Variants in DYM observed in about 807,000 individuals in gnomAD.
DYM encodes dyggve-Melchior-Clausen syndrome protein.
DYM carries 78 observed loss-of-function variants against 93.1 expected under a neutral mutation model. That is an observed-to-expected ratio of 0.84 (90% CI 0.70 to 1.01). The LOEUF (loss-of-function observed/expected upper bound fraction) is 1.01, where lower values mean the gene tolerates loss of function less well. Among genes scored for constraint, DYM ranks in the 50% least tolerant of loss-of-function variants. The pLI is 0.00. For missense variants in DYM, 789 were observed against 845.0 expected (o/e 0.93, Z 0.82); for synonymous variants, 321 against 319.7 (o/e 1.00, Z -0.04).
intron 15 of DYM, among the ~76,000 whole-genome samples, chr18:49,156,998 T>C (rs954972327): frequency 6.6e-6 from 1 of 151,992 alleles, no homozygotes; most frequent in African/African-American, 2.4e-5. Context: ...CCTGCCAACA[T>C]GGCCCCCATT....
In DYM at chr18:49,440,859, T is replaced by TTATATAAATATATTATATTTTATATAA. The variant is rs1213492867; in HGVS notation, c.-53-10413_-53-10412insTTATATAAAATATAATATATTTATATA. ...TATAAATACATTATATTTTATATAT[T>TTATATAAATATATTATATTTTATATAA]TATATTATATATAATATATATTATA... is the stretch of plus-strand genomic sequence containing the variant. On this transcript the variant is annotated intron_variant, in intron 1 of 17. Transcript: ENST00000675505. Among the ~76,000 whole-genome samples the TTATATAAATATATTATATTTTATATAA allele has an allele frequency of 2.6e-3, 5 of 1,958 alleles. 1 individual carries two copies. The highest frequency in any genetic ancestry group is 6.0e-3 in the African/African-American group (3 of 498). 1.3% of individuals were successfully genotyped at this position (1,958 alleles called of 152,430 possible). A position where few individuals can be genotyped will look rare whatever the true frequency, so the allele number is the denominator to read the frequency against.
chr18:49,358,886 C>A (rs6507900), intron 6 of DYM, among the ~76,000 whole-genome samples: 142,937 of 152,232 alleles, frequency 0.94, 67,180 homozygotes, highest in East Asian at 1. Context: ...ATCTAATTTG[C>A]GTCCTCAAAA....
intron 17 of DYM, among the ~76,000 whole-genome samples, chr18:49,069,821 T>A (rs1329644963): frequency 1.3e-5 from 2 of 152,166 alleles, no homozygotes; most frequent in East Asian, 3.9e-4. Flanking sequence ...GGCAGGTGGA[T>A]CATGAGGTCA....
intron 1 of DYM, among the ~76,000 whole-genome samples, chr18:49,447,821 G>A (rs2082219626): frequency 6.6e-6 from 1 of 152,126 alleles, no homozygotes; most frequent in African/African-American, 2.4e-5. Context: ...GTAAGATCAG[G>A]GAATGTCGTA....
intron 13 of DYM, among the ~76,000 whole-genome samples, chr18:49,243,896 C>T (rs957447587): frequency 6.6e-6 from 1 of 152,034 alleles, no homozygotes; most frequent in Non-Finnish European, 1.5e-5. Context: ...TCTGAATTTC[C>T]AGGACTAATG....
intron 15 of DYM, among the ~76,000 whole-genome samples, chr18:49,139,718 A>C (rs2084245190): frequency 6.6e-6 from 1 of 152,156 alleles, no homozygotes; most frequent in South Asian, 2.1e-4. Context: ...TAGTTTTTAG[A>C]GGAAAATCTG....
At chr18:49,118,682 T>C (rs777549407) in intron 16 of DYM, 62 bp downstream of exon 16, 6 of 1,482,404 alleles carry the variant, frequency 4.0e-6, no homozygotes, top group Non-Finnish European at 1.9e-6. Flanking sequence ...CAAGGCTTAT[T>C]AAACATTCTC....
At chr18:49,328,210 TGTG>T (rs2063044013) in intron 8 of DYM, among the ~76,000 whole-genome samples, 1 of 152,208 alleles carries the variant, frequency 6.6e-6, no homozygotes, top group Non-Finnish European at 1.5e-5. Context: ...TTTTATTGTA[TGTG>T]GAGCCAACAC....
intron 17 of DYM, among the ~76,000 whole-genome samples, chr18:49,076,110 C>T (rs1004379988): frequency 1.4e-5 from 2 of 139,026 alleles, no homozygotes; most frequent in Non-Finnish European, 3.1e-5. Context: ...AACCAACTCA[C>T]CCTTAATTTT....
At chr18:49,224,218 C>A (rs1235655541) in intron 13 of DYM, among the ~76,000 whole-genome samples, 2 of 151,998 alleles carry the variant, frequency 1.3e-5, no homozygotes, top group East Asian at 3.9e-4. Flanking sequence ...GAGGCGGCAA[C>A]AGAGGAAGAG....
chr18:49,171,031 C>G (rs56269875), intron 14 of DYM, among the ~76,000 whole-genome samples: 46 of 152,042 alleles, frequency 3.0e-4, no homozygotes, highest in Admixed American at 7.2e-4. Flanking sequence ...AACAAAAAAA[C>G]AAAAAACGAA....
intron 2 of DYM, among the ~76,000 whole-genome samples, chr18:49,416,749 C>T (rs1389796634): frequency 6.6e-6 from 1 of 152,074 alleles, no homozygotes; most frequent in Non-Finnish European, 1.5e-5. Context: ...CACCTACTCA[C>T]CCTACTTAAA....
At chr18:49,163,649 G>C (rs771108492) in intron 15 of DYM, 36 bp downstream of exon 15, 3 of 1,501,524 alleles carry the variant, frequency 2.0e-6, no homozygotes, top group Non-Finnish European at 2.8e-6. Flanking sequence ...TGGCTGAAAG[G>C]AAAATTTTTT....
intron 14 of DYM, among the ~76,000 whole-genome samples, chr18:49,170,623 T>A (rs1299569887): frequency 6.6e-6 from 1 of 150,820 alleles, no homozygotes; most frequent in Non-Finnish European, 1.5e-5. Context: ...CTAATAAAAA[T>A]ACAAAAACTA....
chr18:49,416,832 T>A (rs1406756824), intron 2 of DYM, among the ~76,000 whole-genome samples: 1 of 152,184 alleles, frequency 6.6e-6, no homozygotes, highest in Admixed American at 6.5e-5. Flanking sequence ...CTACTTCTAA[T>A]CCTCAGCTTT....
At chr18:49,297,351 G>T (rs913075933) in intron 8 of DYM, among the ~76,000 whole-genome samples, 10 of 152,322 alleles carry the variant, frequency 6.6e-5, no homozygotes, top group Non-Finnish European at 1.5e-4. Flanking sequence ...TCAATATAAA[G>T]TTCAAAACCA....
intron 1 of DYM, among the ~76,000 whole-genome samples, chr18:49,436,477 C>T (rs1356677576): frequency 6.6e-6 from 1 of 152,154 alleles, no homozygotes; most frequent in East Asian, 1.9e-4. Context: ...AAGGATATTG[C>T]TAGTTCCTTT....
chr18:49,349,480 A>G (rs2064928728), intron 6 of DYM, among the ~76,000 whole-genome samples: 1 of 152,202 alleles, frequency 6.6e-6, no homozygotes, highest in African/African-American at 2.4e-5. Context: ...TATGGTGGGT[A>G]AGTACATGTC....
intron 8 of DYM, among the ~76,000 whole-genome samples, chr18:49,310,453 A>C (rs1390683654): frequency 6.6e-6 from 1 of 150,544 alleles, no homozygotes; most frequent in African/African-American, 2.4e-5. Flanking sequence ...ATGCCCCCGC[A>C]TGTGTAAAAT....
Sources: allele counts gnomAD v4.1 joint callset (sites outside exome capture counted in the v4.1 genomes callset), GRCh38; gene constraint gnomAD v4.1.1; transcripts MANE v1.5; gene names NCBI Gene and HGNC (gene_info 2026-07-23, HGNC 2026-07-21).